CACNA2D2: variants seen among roughly 807,000 people sequenced by gnomAD.
The protein encoded by CACNA2D2 is voltage-dependent calcium channel subunit alpha-2/delta-2.
CACNA2D2 carries 48 observed loss-of-function variants against 166.4 expected under a neutral mutation model. That is an observed-to-expected ratio of 0.29 (90% confidence interval 0.23 to 0.37). The LOEUF (loss-of-function observed/expected upper bound fraction) is 0.37. Ranked by LOEUF, CACNA2D2 falls within the 10% of genes least tolerant of loss-of-function variation. CACNA2D2 has a pLI of 1.00. For synonymous variants in CACNA2D2, 561 were observed against 573.7 expected (o/e 0.98, Z 0.32); for missense variants, 1,122 against 1,433.0 (o/e 0.78, Z 3.50).
chr3:50,413,867 G>C (rs929300452), intron 3 of CACNA2D2, among the ~76,000 whole-genome samples: 3 of 104,234 alleles, frequency 2.9e-5, no homozygotes, highest in Non-Finnish European at 5.3e-5. Context: ...TAAATAAAAG[G>C]CTCCTCAGCT....
At chr3:50,392,686 A>G (rs932214680) in intron 4 of CACNA2D2, among the ~76,000 whole-genome samples, 2 of 152,276 alleles carry the variant, frequency 1.3e-5, no homozygotes, top group East Asian at 1.9e-4. Context: ...ACATAGCCTG[A>G]TGTGTGCAGT....
At chr3:50,414,008 C>T (rs1217356302) in intron 3 of CACNA2D2, among the ~76,000 whole-genome samples, 3 of 151,436 alleles carry the variant, frequency 2.0e-5, no homozygotes, top group Non-Finnish European at 4.4e-5. Flanking sequence ...CCAGTCTTGG[C>T]CCATTCCTTC....
At chr3:50,476,923 CT>C (rs1378479435) in intron 1 of CACNA2D2, among the ~76,000 whole-genome samples, 1 of 147,370 alleles carries the variant, frequency 6.8e-6, no homozygotes, top group Non-Finnish European at 1.5e-5. Flanking sequence ...CTCTTTGTTT[CT>C]TTTTCTTTTT....
chr3:50,456,871 C>T (rs1559967279), intron 2 of CACNA2D2, among the ~76,000 whole-genome samples: 2 of 152,200 alleles, frequency 1.3e-5, no homozygotes. Context: ...CCCAGTTTCA[C>T]ACCCTTCATA....
At chr3:50,497,551 G>A (rs1698773235) in intron 1 of CACNA2D2, among the ~76,000 whole-genome samples, 1 of 152,244 alleles carries the variant, frequency 6.6e-6, no homozygotes, top group African/African-American at 2.4e-5. Context: ...GCCCAGGTGA[G>A]AGGAGCGGGA....
chr3:50,487,989 G>C (rs916691383), intron 1 of CACNA2D2, among the ~76,000 whole-genome samples: 2 of 152,192 alleles, frequency 1.3e-5, no homozygotes, highest in African/African-American at 4.8e-5. Context: ...ACCTGATCCG[G>C]ATTGGGGCCT....
rs1704982485 is a variant in CACNA2D2, at chr3:50,376,224, G to A, written c.1627-36C>T. On this transcript the variant is annotated intron_variant, in intron 17 of 37. Transcript: ENST00000424201. The surrounding 1 kb of genome is among the most constrained non-coding windows in gnomAD (Gnocchi z 4.3). Reference sequence around the variant, plus strand: ...AGATTGGGGGCTCAGGGTCTGGAGGGATGGGCTGGGGTTCCCTGGGCTCCG... The same window carrying A: ...AGATTGGGGGCTCAGGGTCTGGAGGAATGGGCTGGGGTTCCCTGGGCTCCG... The A allele has an allele frequency of 1.9e-6, 3 of 1,607,272 alleles. No individual in the cohort carries two copies. The highest frequency in any genetic ancestry group is 1.7e-6 in the Non-Finnish European group (2 of 1,175,288).
intron 3 of CACNA2D2, among the ~76,000 whole-genome samples, chr3:50,405,429 C>T (rs1415437846): frequency 3.9e-5 from 6 of 152,122 alleles, no homozygotes; most frequent in African/African-American, 1.2e-4. Flanking sequence ...GCAGCTTGGG[C>T]GAAGACTTTC....
At chr3:50,390,012 G>C (rs1705810149) in intron 4 of CACNA2D2, among the ~76,000 whole-genome samples, 1 of 150,586 alleles carries the variant, frequency 6.6e-6, no homozygotes, top group African/African-American at 2.4e-5. Flanking sequence ...GGCTGTCAGG[G>C]TCAGGGTGGG....
In CACNA2D2 at chr3:50,391,465, T is replaced by C. The variant is rs962724164; in HGVS notation, c.465+2644A>G. ...CCCTCTTCATCTATCCTAAGTGTTA[T>C]GGGCACCAGGGCACCTGCTGCCCAC... is the stretch of plus-strand genomic sequence containing the variant. On this transcript the variant is annotated intron_variant, in intron 4 of 37. Transcript: ENST00000424201. Among the ~76,000 whole-genome samples the C allele has an allele frequency of 2.0e-5, 3 of 152,342 alleles. No homozygotes were observed. In the South Asian group the frequency reaches 6.2e-4, roughly 32 times the overall value.
In CACNA2D2 at chr3:50,379,809, G is replaced by A. The variant is rs143680645; in HGVS notation, c.909C>T (p.Ser303=). 153 of 1,613,878 alleles carry A rather than the reference G, an allele frequency of 9.5e-5. 1 individual carries two copies. The highest frequency in any genetic ancestry group is 1.6e-4 in the Middle Eastern group (1 of 6,062). ...TCTTCATCAGCTTCAGGGTCAGGCC[G>A]CTCACACTGCCACTCCTGGAGAGGT... is the stretch of plus-strand genomic sequence containing the variant. The part of the protein sequence containing the change: ...VIIVDVSGSV[S]GLTLKLMKTS... The change falls in exon 10 of 38, where the codon AGC becomes AGT. Residue 303 remains serine, a synonymous_variant. Coordinates refer to ENST00000424201, the MANE Select transcript of CACNA2D2 (RefSeq NM_006030.4). The surrounding 1 kb of genome is among the most constrained non-coding windows in gnomAD (Gnocchi z 6.5).
intron 3 of CACNA2D2, among the ~76,000 whole-genome samples, chr3:50,423,033 C>T (rs1707649369): frequency 6.6e-6 from 1 of 152,222 alleles, no homozygotes; most frequent in Non-Finnish European, 1.5e-5. Context: ...TCCCCTGTTC[C>T]CCCATCTGTC....
chr3:50,490,948 A>T (rs879870798), intron 1 of CACNA2D2, among the ~76,000 whole-genome samples: 10 of 152,250 alleles, frequency 6.6e-5, no homozygotes, highest in Admixed American at 2.6e-4. Context: ...AAGGACAGGC[A>T]GAGGTCAGTG....
chr3:50,370,280 G>A, intron 23 of CACNA2D2, 40 bp downstream of exon 23: 1 of 1,495,272 alleles, frequency 6.7e-7, no homozygotes, highest in Non-Finnish European at 9.1e-7. Flanking sequence ...GGGCGGTCAG[G>A]GTAGGGGAGG....
chr3:50,466,545 TGA>T (rs1052721760), intron 2 of CACNA2D2, among the ~76,000 whole-genome samples: 25 of 152,336 alleles, frequency 1.6e-4, no homozygotes, highest in African/African-American at 5.8e-4. Context: ...CTTACAGCAC[TGA>T]CGCACAGGGG....
At chr3:50,490,727 T>C (rs1016297682) in intron 1 of CACNA2D2, among the ~76,000 whole-genome samples, 2 of 152,316 alleles carry the variant, frequency 1.3e-5, no homozygotes, top group East Asian at 3.9e-4. Context: ...GATTGAGTAC[T>C]TGGTGTATGC....
At chr3:50,499,065 C>T (rs1698847246) in intron 1 of CACNA2D2, among the ~76,000 whole-genome samples, 1 of 152,212 alleles carries the variant, frequency 6.6e-6, no homozygotes, top group Non-Finnish European at 1.5e-5. Context: ...AGACGTCCCC[C>T]ACCACAGTCA....
chr3:50,365,766 G>C lies in CACNA2D2; in HGVS notation c.2915+44C>G. ...CCCTACTTCTCTTCTGAGCCCTCCC[G>C]GCCAGGGAGCACCTTCTCTACCCAC... On this transcript the variant is annotated intron_variant, in intron 33 of 37. Transcript: ENST00000424201. This position sits in a 1 kb window ranked among gnomAD's most constrained non-coding sequence, Gnocchi z 4.5. 6.2e-7 allele frequency: 1 copy of C among 1,612,280 alleles called. No homozygotes were observed. Among genetic ancestry groups the C allele is most frequent in the Non-Finnish European group, 8.5e-7 (1 of 1,179,416 alleles).
In CACNA2D2 at chr3:50,427,169, T is replaced by G. The variant is rs1019201408; in HGVS notation, c.405+7144A>C. ...GGAGCCCTCTCTGACTCCCATTCCT[T>G]GGTGGTCGCTCTGCCACCGCATGCT... On this transcript the variant is annotated intron_variant, in intron 3 of 37. Transcript: ENST00000424201. This position sits in a 1 kb window ranked among gnomAD's most constrained non-coding sequence, Gnocchi z 4.7. 2.6e-5 allele frequency among the ~76,000 whole-genome samples: 4 copies of G among 152,004 alleles called. No homozygotes were observed. Among genetic ancestry groups the G allele is most frequent in the African/African-American group, 4.8e-5 (2 of 41,386 alleles).
Sources: allele counts gnomAD v4.1 joint callset (sites outside exome capture counted in the v4.1 genomes callset), GRCh38; gene constraint gnomAD v4.1.1; non-coding constraint Gnocchi (gnomAD v3.1); transcripts MANE v1.5; gene names NCBI Gene and HGNC (gene_info 2026-07-23, HGNC 2026-07-21).